Variants in MARCHF1 observed in about 807,000 individuals in gnomAD.
The protein encoded by MARCHF1 is membrane associated ring-CH-type finger 1.
In MARCHF1, 40 loss-of-function variants were observed where a neutral mutation model predicts 54.2. The observed-to-expected ratio is 0.74, with a 90% confidence interval of 0.57 to 0.96. MARCHF1 has a LOEUF of 0.96. Ranked by LOEUF, MARCHF1 falls within the 40% of genes least tolerant of loss-of-function variation. The pLI, the probability that MARCHF1 is intolerant of heterozygous loss-of-function variation, is 0.00. For synonymous variants in MARCHF1, 236 were observed against 236.3 expected, an observed-to-expected ratio of 1.00 and a Z score of 0.01; for missense variants, 586 against 656.5, an observed-to-expected ratio of 0.89 and a Z score of 1.17.
intron 4 of MARCHF1, among the ~76,000 whole-genome samples, chr4:163,853,221 G>T (rs1749686703): frequency 6.6e-6 from 1 of 152,070 alleles, no homozygotes; most frequent in Non-Finnish European, 1.5e-5. Flanking sequence ...ATGATTCTTT[G>T]TTCATATTTA....
chr4:164,070,105 G>A (rs965572081), intron 2 of MARCHF1, among the ~76,000 whole-genome samples: 2 of 152,050 alleles, frequency 1.3e-5, no homozygotes, highest in Non-Finnish European at 1.5e-5. Context: ...CAGACACTGT[G>A]GACTACTAAA....
In MARCHF1 at chr4:164,034,718, C is replaced by CA. The variant is rs774575834; in HGVS notation, c.-247-46010dup. On this transcript the variant is annotated intron_variant, in intron 2 of 9. Coordinates refer to ENST00000514618, the MANE Select transcript of MARCHF1 (RefSeq NM_001394959.1). Reference sequence around the variant, plus strand: ...CAGTTATAGTAAATATCATGTAATACAAAAAACCTTATTTTAAAAAAGAAA... The same window carrying CA: ...CAGTTATAGTAAATATCATGTAATACAAAAAAACCTTATTTTAAAAAAGAAA... 2.6e-5 allele frequency among the ~76,000 whole-genome samples: 4 copies of CA among 151,882 alleles called. No individual in the cohort carries two copies. The South Asian group carries it at 6.2e-4, about 24-fold the overall frequency.
intron 3 of MARCHF1, among the ~76,000 whole-genome samples, chr4:163,950,838 G>T (rs116800445): frequency 6.6e-6 from 1 of 152,188 alleles, no homozygotes; most frequent in African/African-American, 2.4e-5. Context: ...ACATATTCAA[G>T]AAATTGATCT....
chr4:163,718,913 G>A (rs893353844), intron 4 of MARCHF1, among the ~76,000 whole-genome samples: 8 of 152,146 alleles, frequency 5.3e-5, no homozygotes, highest in Non-Finnish European at 1.0e-4. Flanking sequence ...GATTGGTGAG[G>A]ACTGAGGTGA....
chr4:163,675,119 A>T (rs751778087), intron 5 of MARCHF1, among the ~76,000 whole-genome samples: 16 of 152,242 alleles, frequency 1.1e-4, no homozygotes, highest in Non-Finnish European at 2.1e-4. Context: ...AATAATATCA[A>T]AGACAATGAG....
chr4:163,887,216 G>A (rs1750557691), intron 3 of MARCHF1, among the ~76,000 whole-genome samples: 1 of 152,018 alleles, frequency 6.6e-6, no homozygotes. Flanking sequence ...ATGATTGAAA[G>A]TAATTAATAG....
At chr4:163,651,797 C>CTTT (rs112084563) in intron 5 of MARCHF1, among the ~76,000 whole-genome samples, 1 of 145,328 alleles carries the variant, frequency 6.9e-6, no homozygotes, top group African/African-American at 2.5e-5. Context: ...TCCATTTCCA[C>CTTT]TTTTTTTTTT....
At chr4:164,050,004 G>A (rs1754325788) in intron 2 of MARCHF1, among the ~76,000 whole-genome samples, 1 of 152,156 alleles carries the variant, frequency 6.6e-6, no homozygotes, top group Non-Finnish European at 1.5e-5. Context: ...GCCAGGAGCA[G>A]TAGCTCAAAC....
chr4:164,012,211 G>A (rs1158036302), intron 2 of MARCHF1, among the ~76,000 whole-genome samples: 1 of 152,136 alleles, frequency 6.6e-6, no homozygotes, highest in African/African-American at 2.4e-5. Context: ...AACTTGGGGT[G>A]CAACACCAAC....
At chr4:163,707,512 G>C (rs1744983550) in intron 4 of MARCHF1, among the ~76,000 whole-genome samples, 2 of 151,932 alleles carry the variant, frequency 1.3e-5, no homozygotes, top group African/African-American at 4.8e-5. Flanking sequence ...GTAGCAACAA[G>C]ACATCACTTT....
intron 1 of MARCHF1, among the ~76,000 whole-genome samples, chr4:164,283,686 T>C (rs1734079549): frequency 6.6e-6 from 1 of 150,860 alleles, no homozygotes; most frequent in Non-Finnish European, 1.5e-5. Context: ...AAAGAGATTG[T>C]ATACAATAAG....
intron 9 of MARCHF1, among the ~76,000 whole-genome samples, chr4:163,542,285 A>T (rs2110904898): frequency 6.6e-6 from 1 of 152,362 alleles, no homozygotes; most frequent in East Asian, 1.9e-4. Context: ...TTCACACTTC[A>T]TCATTCCTTG....
chr4:164,188,878 T>A, intron 1 of MARCHF1: 1 of 778,344 alleles, frequency 1.3e-6, no homozygotes, highest in South Asian at 1.3e-5. Flanking sequence ...AGTTTACCCA[T>A]GCAGTTTTTA....
intron 5 of MARCHF1, among the ~76,000 whole-genome samples, chr4:163,633,001 C>T (rs1372547381): frequency 6.6e-6 from 1 of 152,178 alleles, no homozygotes; most frequent in Non-Finnish European, 1.5e-5. Context: ...ACACCTCACA[C>T]TGCAGGGTAC....
At position 163,612,746 on chromosome 4, in the gene MARCHF1, C is replaced by T. The variant is rs1339242365; in HGVS notation, c.535G>A (p.Val179Ile). ...CTTCTTCTTGACAGTCTGAATTTAACCTGGGCTCTTCTTTTTGCCTGAATC... is the reference window on the plus strand; with the variant it reads ...CTTCTTCTTGACAGTCTGAATTTAATCTGGGCTCTTCTTTTTGCCTGAATC... ...HWIQAKRRAQVKFRLSRRRRR... is the reference protein window; with the variant it reads ...HWIQAKRRAQIKFRLSRRRRR... Residue 179 changes from valine to isoleucine, a missense_variant, in exon 7 of 10, where the codon GTT becomes ATT. Val to Ile is a conservative substitution (Grantham distance 29). This residue lies in a region of MARCHF1 where 387 missense variants were observed against 394.6 expected (regional missense o/e 0.98). Transcript: ENST00000514618. 2 of 1,535,374 alleles carry T rather than the reference C, an allele frequency of 1.3e-6. No homozygotes were observed. The highest frequency in any genetic ancestry group is 2.4e-5 in the East Asian group (1 of 40,888).
intron 4 of MARCHF1, among the ~76,000 whole-genome samples, chr4:163,831,483 C>G (rs921688977): frequency 3.3e-5 from 5 of 152,082 alleles, no homozygotes; most frequent in Non-Finnish European, 7.4e-5. Flanking sequence ...CCCAGCTCCT[C>G]GGGAGTCTGA....
chr4:163,831,074 CTT>C (rs1025720551), intron 4 of MARCHF1, among the ~76,000 whole-genome samples: 10 of 152,178 alleles, frequency 6.6e-5, no homozygotes, highest in African/African-American at 2.4e-4. Flanking sequence ...TTCTGCGAGT[CTT>C]TACAAAAAGC....
At chr4:164,199,871 ATG>A (rs912865440) in intron 1 of MARCHF1, among the ~76,000 whole-genome samples, 1 of 152,056 alleles carries the variant, frequency 6.6e-6, no homozygotes, top group Non-Finnish European at 1.5e-5. Flanking sequence ...GAACCTGCAT[ATG>A]TCTTCAGTCT....
Position 163,738,225 on chromosome 4 carries a change from T to C in MARCHF1, c.112-37362A>G, listed in dbSNP as rs115179295. Among the ~76,000 whole-genome samples, 874 of 152,346 alleles carry C rather than the reference T, an allele frequency of 5.7e-3. 3 individuals carry two copies. The highest frequency in any genetic ancestry group is 0.01 in the African/African-American group (418 of 41,592). On this transcript the variant is annotated intron_variant, in intron 4 of 9. Transcript: ENST00000514618. The stretch of plus-strand genomic sequence containing the variant: ...ACAGAAAAATGTAGAGGACACATTT[T>C]AATCTGATTTCATGCACTTGGAGTA...
Sources: allele counts gnomAD v4.1 joint callset (sites outside exome capture counted in the v4.1 genomes callset), GRCh38; gene constraint gnomAD v4.1.1; regional missense constraint gnomAD v4.1.1; transcripts MANE v1.5; gene names NCBI Gene and HGNC (gene_info 2026-07-23, HGNC 2026-07-21).